Variants in THNSL1 observed in about 807,000 individuals in gnomAD.
The protein encoded by THNSL1 is threonine synthase-like 1.
THNSL1 carries 48 observed loss-of-function variants against 50.4 expected under a neutral mutation model. The observed-to-expected ratio is 0.95, with a 90% CI of 0.76 to 1.21. The LOEUF (loss-of-function observed/expected upper bound fraction) is 1.21, where lower values mean the gene tolerates loss of function less well. THNSL1 is among the 50% of genes most tolerant of loss of function. The probability of loss-of-function intolerance (pLI) is 0.00; values close to 1 mark genes in which losing one functional copy is unlikely to be tolerated. For missense variants in THNSL1, 896 were observed against 871.7 expected, an observed-to-expected ratio of 1.03 and a Z score of -0.35; for synonymous variants, 309 against 306.1, an observed-to-expected ratio of 1.01 and a Z score of -0.10.
chr10:24,971,058 C>T, the THNSL1 span, among the ~76,000 whole-genome samples: 5 of 151,640 alleles, frequency 3.3e-5, no homozygotes, highest in African/African-American at 7.2e-5. Flanking sequence ...AGCCAAACTA[C>T]GTGTTTACTA....
At chr10:24,997,997 A>C in the THNSL1 span, among the ~76,000 whole-genome samples, 1 of 152,130 alleles carries the variant, frequency 6.6e-6, no homozygotes, top group Non-Finnish European at 1.5e-5. Flanking sequence ...GACTAGAGGA[A>C]GATACAAAAG....
chr10:24,954,057 T>C, the THNSL1 span, among the ~76,000 whole-genome samples: 1 of 152,216 alleles, frequency 6.6e-6, no homozygotes, highest in Non-Finnish European at 1.5e-5. Context: ...GCCATTTTTG[T>C]AGTCTGCATC....
chr10:24,955,702 C>T, the THNSL1 span, among the ~76,000 whole-genome samples: 8 of 152,210 alleles, frequency 5.3e-5, no homozygotes, highest in Non-Finnish European at 8.8e-5. Context: ...ACCAGCACTT[C>T]GGGAGGCCAA....
chr10:24,994,852 G>A, the THNSL1 span, among the ~76,000 whole-genome samples: 2 of 143,318 alleles, frequency 1.4e-5, no homozygotes, highest in African/African-American at 5.7e-5. Flanking sequence ...GAAACCCCCT[G>A]TCTACTAAAT....
chr10:24,991,075 T>G, the THNSL1 span, among the ~76,000 whole-genome samples: 1 of 152,070 alleles, frequency 6.6e-6, no homozygotes, highest in Middle Eastern at 3.2e-3. Context: ...CCAGCCTGGG[T>G]GTCAGAGTGT....
In THNSL1 at chr10:25,017,938, G is replaced by A. The variant is rs544252762; in HGVS notation, c.-216+1246G>A. 2.6e-5 allele frequency among the ~76,000 whole-genome samples: 4 copies of A among 152,302 alleles called. No individual in the cohort carries two copies. In the South Asian group the frequency reaches 6.2e-4, roughly 24 times the overall value. On this transcript the variant is annotated intron_variant, in intron 1 of 2. Transcript: ENST00000376356. ...GCCAAGTGGATAGTCACTGGCTAAA[G>A]CTTATGAATTTTCTAATTAGAAGGA...
chr10:24,952,432 C>G, the THNSL1 span: 1 of 1,401,382 alleles, frequency 7.1e-7, no homozygotes, highest in Non-Finnish European at 9.9e-7. The surrounding 1 kb of genome is among the most constrained non-coding windows in gnomAD (Gnocchi z 5.1). Flanking sequence ...GTGGCCCTCT[C>G]TCTCCCCCGA....
chr10:24,952,539 G>A, the THNSL1 span: 3 of 1,590,300 alleles, frequency 1.9e-6, no homozygotes, highest in Non-Finnish European at 2.6e-6. The surrounding 1 kb of genome is among the most constrained non-coding windows in gnomAD (Gnocchi z 5.1). Flanking sequence ...ACGACGCCTC[G>A]CCCGTAGTCT....
intron 1 of THNSL1, among the ~76,000 whole-genome samples, chr10:25,021,125 C>A (rs546110282): frequency 2.4e-4 from 37 of 152,230 alleles, no homozygotes; most frequent in African/African-American, 8.9e-4. Context: ...AAAAATGCAC[C>A]CTGCCTTGTA....
At chr10:24,969,250 A>G in the THNSL1 span, among the ~76,000 whole-genome samples, 1 of 152,222 alleles carries the variant, frequency 6.6e-6, no homozygotes, top group Non-Finnish European at 1.5e-5. Flanking sequence ...AAGTAAGCCC[A>G]TGCTACTCCT....
chr10:24,958,969 A>G, the THNSL1 span, among the ~76,000 whole-genome samples: 1 of 152,192 alleles, frequency 6.6e-6, no homozygotes, highest in Non-Finnish European at 1.5e-5. Context: ...CATTGAAAGG[A>G]CACAGCTGCA....
rs1344361274 is a variant in THNSL1, at chr10:25,021,734, C to T, written c.-215-8C>T. On this transcript the variant is annotated splice_region_variant and splice_polypyrimidine_tract_variant and intron_variant, in intron 1 of 2. Coordinates refer to ENST00000376356, the MANE Select transcript of THNSL1 (RefSeq NM_024838.5). Reference sequence around the variant, plus strand: ...GTTATGATTAACTTAAATTTTTTTCCATTATAGACTCCACGTTTTGCAAAG... The same window carrying T: ...GTTATGATTAACTTAAATTTTTTTCTATTATAGACTCCACGTTTTGCAAAG... 1 of 151,956 alleles carries T rather than the reference C, an allele frequency of 6.6e-6. No homozygotes were observed. The highest frequency in any genetic ancestry group is 6.6e-5 in the Admixed American group (1 of 15,256). The allele number at this position is 151,956 out of a possible 1,614,324, so 9.4% of individuals were successfully genotyped here. A position where few individuals can be genotyped will look rare whatever the true frequency, so the allele number is the denominator to read the frequency against.
At chr10:24,962,056 AT>A in the THNSL1 span, among the ~76,000 whole-genome samples, 1 of 152,208 alleles carries the variant, frequency 6.6e-6, no homozygotes, top group Non-Finnish European at 1.5e-5. Context: ...TTGTAGTGGA[AT>A]TCCTGGTCAG....
chr10:24,968,947 C>G, the THNSL1 span, among the ~76,000 whole-genome samples: 26,504 of 152,038 alleles, frequency 0.17, 4,658 homozygotes, highest in African/African-American at 0.45. Context: ...AGGCTGGAGT[C>G]CACTGGTGTG....
chr10:24,971,448 C>A, the THNSL1 span, among the ~76,000 whole-genome samples: 4 of 152,108 alleles, frequency 2.6e-5, no homozygotes, highest in Admixed American at 6.5e-5. Flanking sequence ...AGGAGGGCAT[C>A]ATCCCAGCTC....
In THNSL1 at chr10:25,024,329, G is replaced by A. The variant is rs769222977; in HGVS notation, c.1106G>A (p.Ser369Asn). 1.9e-6 allele frequency: 3 copies of A among 1,614,146 alleles called. No homozygotes were observed. Among genetic ancestry groups the A allele is most frequent in the South Asian group, 2.2e-5 (2 of 91,088 alleles). The stretch of plus-strand genomic sequence containing the variant: ...ATTTTTGCACACTGTATCCCACCAA[G>A]TTGCAATTATATGATACTTGTAGCT... The part of the protein sequence containing the change: ...PHIFAHCIPP[S>N]CNYMILVATS... The change falls in exon 3 of 3, where the codon AGT (serine) becomes AAT (asparagine). Residue 369 changes from serine to asparagine, a missense_variant. Transcript: ENST00000376356.
the THNSL1 span, among the ~76,000 whole-genome samples, chr10:24,975,034 GA>G: frequency 6.6e-6 from 1 of 151,884 alleles, no homozygotes; most frequent in Non-Finnish European, 1.5e-5. Flanking sequence ...CAATAATTCT[GA>G]AAAAAAGCCA....
chr10:24,964,246 A>T, the THNSL1 span, among the ~76,000 whole-genome samples: 1 of 152,228 alleles, frequency 6.6e-6, no homozygotes, highest in Non-Finnish European at 1.5e-5. Flanking sequence ...GCCCTAGAGT[A>T]ACAGCCTTTA....
the THNSL1 span, among the ~76,000 whole-genome samples, chr10:24,991,118 TTG>T: frequency 3.2e-4 from 49 of 151,238 alleles, no homozygotes; most frequent in African/African-American, 1.1e-3. Context: ...ATAAATGGAG[TTG>T]TTATTGCAGT....
Sources: allele counts gnomAD v4.1 joint callset (sites outside exome capture counted in the v4.1 genomes callset), GRCh38; gene constraint gnomAD v4.1.1; non-coding constraint Gnocchi (gnomAD v3.1); transcripts MANE v1.5; gene names NCBI Gene and HGNC (gene_info 2026-07-23, HGNC 2026-07-21).